DNAH8: variants seen among roughly 807,000 people sequenced by gnomAD.
DNAH8 encodes dynein axonemal heavy chain 8, also known as axonemal beta dynein heavy chain 8.
DNAH8 carries 382 observed loss-of-function variants against 562.1 expected under a neutral mutation model. That is an observed-to-expected ratio of 0.68 (90% CI 0.63 to 0.74). The LOEUF (loss-of-function observed/expected upper bound fraction) is 0.74, where lower values mean the gene tolerates loss of function less well. Among genes scored for constraint, DNAH8 ranks in the 30% least tolerant of loss-of-function variants. The pLI, the probability that DNAH8 is intolerant of heterozygous loss-of-function variation, is 0.00. For synonymous variants in DNAH8, 1,881 were observed against 1,919.4 expected, an observed-to-expected ratio of 0.98 and a Z score of 0.52; for missense variants, 5,203 against 5,620.4, an observed-to-expected ratio of 0.93 and a Z score of 2.37.
intron 89 of DNAH8, among the ~76,000 whole-genome samples, chr6:39,010,297 T>C (rs1766107518): frequency 2.0e-5 from 3 of 152,202 alleles, no homozygotes. Flanking sequence ...GGCTGTAAAG[T>C]GAATTTTGTA....
At chr6:38,959,159 A>G (rs1166485775) in intron 82 of DNAH8, among the ~76,000 whole-genome samples, 1 of 152,218 alleles carries the variant, frequency 6.6e-6, no homozygotes, top group Non-Finnish European at 1.5e-5. Flanking sequence ...TGACAAACCC[A>G]TAGCTAACAT....
At chr6:38,932,217 C>CACACACACACACACACACA (rs1554138852) in intron 76 of DNAH8, among the ~76,000 whole-genome samples, 2 of 122,580 alleles carry the variant, frequency 1.6e-5, no homozygotes, top group African/African-American at 7.6e-5. Context: ...CACACACACA[C>CACACACACACACACACACA]CCGTCTCTTT....
At chr6:38,950,514 A>C (rs1761817090) in intron 81 of DNAH8, among the ~76,000 whole-genome samples, 1 of 149,340 alleles carries the variant, frequency 6.7e-6, no homozygotes, top group Non-Finnish European at 1.5e-5. Context: ...ATCTTGGCTC[A>C]CTGTAAGCTC....
chr6:38,750,548 A>G lies in DNAH8; in HGVS notation c.1366A>G (p.Thr456Ala). The part of the protein sequence containing the change: ...ESKDNVRYLY[T>A]LEKVCQPLYN... ...CAAAGATAATGTCAGATATTTGTAT[A>G]CTTTGGAAAAAGTGTGTCAACCTCT... Residue 456 changes from threonine to alanine, a missense_variant, in exon 9 of 93, where the codon ACT (threonine) becomes GCT (alanine). Transcript: ENST00000327475. 2 of 1,611,976 alleles carry G rather than the reference A, an allele frequency of 1.2e-6. No individual in the cohort carries two copies. Among genetic ancestry groups the G allele is most frequent in the Middle Eastern group, 1.7e-4 (1 of 6,052 alleles).
Position 39,026,600 on chromosome 6 carries a change from T to A in DNAH8, c.13769T>A (p.Leu4590Gln). 6.2e-7 allele frequency: 1 copy of A among 1,612,652 alleles called. No homozygotes were observed. The change falls in exon 92 of 93, where the codon CTG (leucine) becomes CAG (glutamine). Residue 4590 changes from leucine to glutamine, a missense_variant. Transcript: ENST00000327475. ...EVTRAHKGWA[L>Q]DTVTIHNEVL... ...ACCCGTGCCCACAAAGGCTGGGCAC[T>A]GGACACTGTGACCATCCACAATGAA...
chr6:38,770,766 T>C (rs1469002835), intron 12 of DNAH8, among the ~76,000 whole-genome samples: 1 of 152,206 alleles, frequency 6.6e-6, no homozygotes, highest in African/African-American at 2.4e-5. Context: ...ACACAAACGC[T>C]ATGGTCAACT....
At chr6:38,777,775 C>T (rs890354380) in intron 13 of DNAH8, among the ~76,000 whole-genome samples, 2 of 152,128 alleles carry the variant, frequency 1.3e-5, no homozygotes, top group African/African-American at 4.8e-5. Context: ...TCTTGTACGT[C>T]CTTAGCAGTG....
At chr6:38,971,782 T>C (rs1221625064) in intron 83 of DNAH8, 117 bp downstream of exon 83, 2 of 693,494 alleles carry the variant, frequency 2.9e-6, no homozygotes, top group Non-Finnish European at 4.4e-6. Context: ...TTGTTTATCA[T>C]TACCTGTGAA....
intron 11 of DNAH8, among the ~76,000 whole-genome samples, chr6:38,767,616 T>C (rs948880161): frequency 6.6e-6 from 1 of 152,252 alleles, no homozygotes; most frequent in Non-Finnish European, 1.5e-5. Flanking sequence ...CGTTCTAGCA[T>C]GTATCAGAAT....
intron 88 of DNAH8, among the ~76,000 whole-genome samples, chr6:39,002,681 G>T (rs754237776): frequency 4.6e-5 from 7 of 152,132 alleles, no homozygotes; most frequent in Admixed American, 2.0e-4. Context: ...AATAGTAAAA[G>T]AATTTTAAGT....
At chr6:38,983,708 C>T (rs1764182621) in intron 86 of DNAH8, among the ~76,000 whole-genome samples, 1 of 152,112 alleles carries the variant, frequency 6.6e-6, no homozygotes, top group South Asian at 2.1e-4. Flanking sequence ...AGTTTTAGCA[C>T]ATAGAATGAG....
At chr6:38,723,304 T>C in intron 2 of DNAH8, 33 bp from the exon 3 acceptor site, 1 of 1,582,682 alleles carries the variant, frequency 6.3e-7, no homozygotes, top group East Asian at 2.2e-5. Flanking sequence ...TTCTTCAGAA[T>C]TGCAATTTTT....
rs141251383 is a variant in DNAH8 at position 38,916,438 on chromosome 6, C to G, written c.10141-801C>G. 3.9e-5 allele frequency among the ~76,000 whole-genome samples: 6 copies of G among 152,244 alleles called. No individual in the cohort carries two copies. The East Asian group carries it at 1.2e-3, about 29-fold the overall frequency. The stretch of plus-strand genomic sequence containing the variant: ...CACATGCTTCTGTCATGGCAGAAAT[C>G]CTTATGTAGGGTAATTGTATTTGCT... On this transcript the variant is annotated intron_variant, in intron 68 of 92. Transcript: ENST00000327475.
At chr6:38,796,811 G>A (rs1010744045) in intron 21 of DNAH8, among the ~76,000 whole-genome samples, 3 of 151,942 alleles carry the variant, frequency 2.0e-5, no homozygotes, top group African/African-American at 7.3e-5. Flanking sequence ...ACATGAGCCC[G>A]CCGATGCTCC....
intron 17 of DNAH8, among the ~76,000 whole-genome samples, chr6:38,784,887 G>T (rs1209078806): frequency 6.6e-6 from 1 of 152,202 alleles, no homozygotes; most frequent in Admixed American, 6.5e-5. Flanking sequence ...TGTCAAGAAT[G>T]ATGCCAGGCA....
intron 48 of DNAH8, among the ~76,000 whole-genome samples, chr6:38,869,022 T>A (rs1190038843): frequency 6.6e-6 from 1 of 152,140 alleles, no homozygotes; most frequent in Non-Finnish European, 1.5e-5. Context: ...TCATGTGACA[T>A]ATAAGGATTT....
rs377744731 is a variant in DNAH8 at position 38,790,412 on chromosome 6, T to G, written c.2781+7T>G. ...CAATCAACTTTTAAAGAAGGTATGATCTATACATTTAAAAAGCTATCAACA... is the reference window on the plus strand; with the variant it reads ...CAATCAACTTTTAAAGAAGGTATGAGCTATACATTTAAAAAGCTATCAACA... On this transcript the variant is annotated splice_region_variant and intron_variant, in intron 20 of 92. Transcript: ENST00000327475. The G allele has an allele frequency of 1.6e-4, 212 of 1,331,476 alleles. No individual in the cohort carries two copies. The highest frequency in any genetic ancestry group is 2.1e-4 in the Non-Finnish European group (199 of 941,308). The allele number at this position is 1,331,476 out of a possible 1,614,324, so 82.5% of individuals were successfully genotyped here. A position where few individuals can be genotyped will look rare whatever the true frequency, so the allele number is the denominator to read the frequency against.
chr6:38,813,234 C>T (rs1211125755), intron 24 of DNAH8, among the ~76,000 whole-genome samples: 8 of 152,152 alleles, frequency 5.3e-5, no homozygotes, highest in Non-Finnish European at 1.0e-4. Flanking sequence ...TTTATTGCAA[C>T]ATCTTGAATT....
chr6:38,815,461 T>C lies in DNAH8; in HGVS notation c.3334-7T>C, dbSNP rs368072292. 2 of 1,609,888 alleles carry C rather than the reference T, an allele frequency of 1.2e-6. No homozygotes were observed. The highest frequency in any genetic ancestry group is 1.3e-5 in the African/African-American group (1 of 74,816). On this transcript the variant is annotated splice_region_variant and splice_polypyrimidine_tract_variant and intron_variant, in intron 25 of 92. Coordinates refer to ENST00000327475, the MANE Select transcript of DNAH8 (RefSeq NM_001206927.2). ...CAGTATTACACATTTGTTTCTTCTTTCCACAGGTGATGATTCCTAGTTTGG... is the reference window on the plus strand; with the variant it reads ...CAGTATTACACATTTGTTTCTTCTTCCCACAGGTGATGATTCCTAGTTTGG...
Sources: allele counts gnomAD v4.1 joint callset (sites outside exome capture counted in the v4.1 genomes callset), GRCh38; gene constraint gnomAD v4.1.1; transcripts MANE v1.5; gene names NCBI Gene and HGNC (gene_info 2026-07-23, HGNC 2026-07-21).